TRIM2: variants seen among roughly 807,000 people sequenced by gnomAD.
The protein encoded by TRIM2 is tripartite motif-containing protein 2.
Under a neutral mutation model 75.2 loss-of-function variants are expected in TRIM2, and 20 were observed. The observed-to-expected ratio is 0.27, with a 90% confidence interval of 0.19 to 0.39. TRIM2 has a LOEUF of 0.39. TRIM2 is among the 10% of genes least tolerant of loss of function. The pLI is 1.00. For missense variants in TRIM2, 660 were observed against 990.8 expected, an observed-to-expected ratio of 0.67 and a Z score of 4.48; for synonymous variants, 373 against 388.3, an observed-to-expected ratio of 0.96 and a Z score of 0.46.
At chr4:153,262,021 G>T (rs1036710261) in intron 1 of TRIM2, among the ~76,000 whole-genome samples, 3 of 152,168 alleles carry the variant, frequency 2.0e-5, no homozygotes, top group Admixed American at 6.5e-5. Flanking sequence ...TCATTGAATT[G>T]CTTTTCCCAC....
At position 153,276,007 on chromosome 4, in the gene TRIM2, C is replaced by T. The variant is rs1291797168; in HGVS notation, c.330C>T (p.Ile110=). Residue 110 remains isoleucine (I), a synonymous_variant, in exon 3 of 12, where the codon ATC becomes ATT. Transcript: ENST00000338700. ...CCGCGCTCCAGAACAATTTCTTCAT[C>T]ACAAACCTGATGGACGTGCTGCAGC... The part of the protein sequence containing the change: ...GVAALQNNFF[I]TNLMDVLQRT... 8.7e-6 allele frequency: 14 copies of T among 1,614,238 alleles called. No individual in the cohort carries two copies. Among genetic ancestry groups the T allele is most frequent in the Non-Finnish European group, 1.2e-5 (14 of 1,180,046 alleles).
At chr4:153,324,279 CAA>C in intron 10 of TRIM2, 131 bp downstream of exon 10, 1 of 665,402 alleles carries the variant, frequency 1.5e-6, no homozygotes, top group Non-Finnish European at 2.4e-6. Context: ...TTGTTCTGCT[CAA>C]AGATGCCGGT....
chr4:153,320,786 C>A (rs1579700142), intron 8 of TRIM2, among the ~76,000 whole-genome samples: 1 of 152,090 alleles, frequency 6.6e-6, no homozygotes, highest in Non-Finnish European at 1.5e-5. Flanking sequence ...GCACCCACCA[C>A]CACACCCAGC....
intron 1 of TRIM2, among the ~76,000 whole-genome samples, chr4:153,156,099 G>C (rs927713082): frequency 5.3e-5 from 8 of 152,162 alleles, no homozygotes; most frequent in Admixed American, 5.2e-4. Flanking sequence ...AAAATGTTTC[G>C]TGCTTGCTGA....
Position 153,337,162 on chromosome 4 carries a change from T to A in TRIM2, c.*2196T>A. On this transcript the variant is annotated 3_prime_UTR_variant, in exon 12 of 12. Transcript: ENST00000338700. ...TTGTCTAGATTGTTTAAAAGAAACT[T>A]TTCAAATTGGTTACATTAATTTTAG... is the stretch of plus-strand genomic sequence containing the variant. 1.0e-6 allele frequency: 1 copy of A among 985,434 alleles called. No individual in the cohort carries two copies. The highest frequency in any genetic ancestry group is 1.2e-6 in the Non-Finnish European group (1 of 829,922). The allele number at this position is 985,434 out of a possible 1,614,324, so 61.0% of individuals were successfully genotyped here.
chr4:153,203,861 C>T (rs188707643), upstream of TRIM2, among the ~76,000 whole-genome samples: 196 of 152,082 alleles, frequency 1.3e-3, no homozygotes, highest in African/African-American at 4.3e-3. Flanking sequence ...CACTGCACTC[C>T]GGCCTGGGCA....
At chr4:153,224,029 C>A (rs1303457175) in intron 1 of TRIM2, among the ~76,000 whole-genome samples, 2 of 152,110 alleles carry the variant, frequency 1.3e-5, no homozygotes, top group African/African-American at 2.4e-5. Context: ...TTGAGGGTTC[C>A]TTTCCCAGGG....
intron 3 of TRIM2, among the ~76,000 whole-genome samples, chr4:153,282,442 G>A (rs1368162207): frequency 1.3e-5 from 2 of 152,114 alleles, no homozygotes; most frequent in Admixed American, 1.3e-4. Context: ...GGGCTTGGTG[G>A]CTCACTTTGG....
exon 1 of TRIM2, chr4:153,153,256 G>C (rs1298959646): frequency 6.6e-6 from 1 of 152,276 alleles, no homozygotes; most frequent in Non-Finnish European, 1.5e-5. Context: ...CGCGCTTCGG[G>C]ACGCAATTGG....
chr4:153,184,767 C>T (rs912078454), intron 1 of TRIM2, among the ~76,000 whole-genome samples: 1 of 152,218 alleles, frequency 6.6e-6, no homozygotes, highest in Non-Finnish European at 1.5e-5. Context: ...TGCTTTTATC[C>T]TGTCTTTGGG....
intron 1 of TRIM2, among the ~76,000 whole-genome samples, chr4:153,227,299 C>T (rs932132990): frequency 2.6e-5 from 4 of 152,202 alleles, no homozygotes; most frequent in Non-Finnish European, 5.9e-5. Context: ...CCTAAAATGT[C>T]CTCTCCTCAG....
chr4:153,277,818 G>A (rs1428627846), intron 3 of TRIM2, among the ~76,000 whole-genome samples: 2 of 152,170 alleles, frequency 1.3e-5, no homozygotes, highest in Non-Finnish European at 2.9e-5. Flanking sequence ...AGTTTTCCAT[G>A]CATTTTATGC....
At chr4:153,328,810 C>A in intron 11 of TRIM2, 140 bp downstream of exon 11, 2 of 919,504 alleles carry the variant, frequency 2.2e-6, no homozygotes, top group Non-Finnish European at 3.0e-6. Flanking sequence ...CCAGAAGGAC[C>A]AAACTCAGCA....
intron 1 of TRIM2, among the ~76,000 whole-genome samples, chr4:153,252,509 T>A (rs1195444488): frequency 6.6e-6 from 1 of 152,212 alleles, no homozygotes. Flanking sequence ...AGAAAATCTA[T>A]GAAGGTACTT....
intron 3 of TRIM2, among the ~76,000 whole-genome samples, chr4:153,283,911 C>T (rs1759980493): frequency 7.2e-6 from 1 of 139,118 alleles, no homozygotes; most frequent in African/African-American, 2.8e-5. Flanking sequence ...TGCTCTGCTG[C>T]CCAGGCTGGA....
At chr4:153,246,654 G>GA (rs1749236763) in intron 1 of TRIM2, among the ~76,000 whole-genome samples, 1 of 152,160 alleles carries the variant, frequency 6.6e-6, no homozygotes, top group Admixed American at 6.5e-5. Flanking sequence ...TAGGGAGTAG[G>GA]AAAGAGGGTG....
upstream of TRIM2, among the ~76,000 whole-genome samples, chr4:153,201,736 G>A (rs979553820): frequency 3.9e-5 from 6 of 152,146 alleles, no homozygotes; most frequent in Admixed American, 1.3e-4. Context: ...AAATTTTAAC[G>A]AAGTCCAATT....
intron 1 of TRIM2, among the ~76,000 whole-genome samples, chr4:153,260,672 A>C (rs1412626758): frequency 1.7e-4 from 16 of 93,108 alleles, no homozygotes; most frequent in South Asian, 1.2e-3. Flanking sequence ...CAAAACACAC[A>C]CACCCACCCA....
At chr4:153,333,252 AC>A (rs1771892717) in intron 11 of TRIM2, among the ~76,000 whole-genome samples, 1 of 152,232 alleles carries the variant, frequency 6.6e-6, no homozygotes, top group Non-Finnish European at 1.5e-5. Context: ...CTATTTGTGT[AC>A]CATTCTCAAA....
Sources: allele counts gnomAD v4.1 joint callset (sites outside exome capture counted in the v4.1 genomes callset), GRCh38; gene constraint gnomAD v4.1.1; transcripts MANE v1.5; gene names NCBI Gene and HGNC (gene_info 2026-07-23, HGNC 2026-07-21).